SHISA6: variants seen among roughly 807,000 people sequenced by gnomAD.
SHISA6 encodes the protein protein shisa-6.
In SHISA6, 22 loss-of-function variants were observed where a neutral mutation model predicts 47.9. That is an observed-to-expected ratio of 0.46 (90% CI 0.33 to 0.66). SHISA6 has a LOEUF of 0.66. Among genes scored for constraint, SHISA6 ranks in the 30% least tolerant of loss-of-function variants. The pLI is 0.02. For synonymous variants in SHISA6, 388 were observed against 337.8 expected (o/e 1.15, Z -1.63); for missense variants, 680 against 764.6 (o/e 0.89, Z 1.30).
chr17:11,358,595 A>G (rs901115880), intron 2 of SHISA6, among the ~76,000 whole-genome samples: 12 of 151,494 alleles, frequency 7.9e-5, no homozygotes, highest in Non-Finnish European at 1.6e-4. Flanking sequence ...TCCTGACCTC[A>G]TGATCCACCC....
intron 2 of SHISA6, among the ~76,000 whole-genome samples, chr17:11,316,336 T>TC (rs1390230031): frequency 2.0e-5 from 3 of 150,316 alleles, no homozygotes; most frequent in Non-Finnish European, 4.4e-5. Flanking sequence ...GGTCTTTTTT[T>TC]TTTTTTTTTT....
intron 2 of SHISA6, among the ~76,000 whole-genome samples, chr17:11,370,643 T>A (rs922591810): frequency 2.6e-5 from 4 of 152,126 alleles, no homozygotes; most frequent in Non-Finnish European, 4.4e-5. Flanking sequence ...AGCTTCCGTA[T>A]CTGATGAGAT....
At chr17:11,381,580 AGAG>A (rs1567590042) in intron 3 of SHISA6, among the ~76,000 whole-genome samples, 1 of 152,214 alleles carries the variant, frequency 6.6e-6, no homozygotes, top group Non-Finnish European at 1.5e-5. Flanking sequence ...GCAGGATAAA[AGAG>A]GACCAGAGTG....
In SHISA6 at chr17:11,309,931, C is replaced by G. The variant is rs143336382; in HGVS notation, c.799+46405C>G. On this transcript the variant is annotated intron_variant, in intron 2 of 5. Coordinates refer to ENST00000441885, the MANE Select transcript of SHISA6 (RefSeq NM_207386.4). ...TGAGGCATTGTCCTCAGCTGCATGG[C>G]CAAAGCTGAACTGCAGCATGAGGAC... Among the ~76,000 whole-genome samples the G allele has an allele frequency of 1.4e-4, 21 of 152,320 alleles. No homozygotes were observed. In the East Asian group the frequency reaches 3.5e-3, roughly 25 times the overall value.
chr17:11,359,316 A>AGT, intron 2 of SHISA6, among the ~76,000 whole-genome samples: 1 of 152,208 alleles, frequency 6.6e-6, no homozygotes, highest in South Asian at 2.1e-4. Context: ...TTTCTTAAAT[A>AGT]GTGTGTGCTT....
chr17:11,534,157 CTTTTTT>C (rs373384700), intron 3 of SHISA6, among the ~76,000 whole-genome samples: 3 of 93,194 alleles, frequency 3.2e-5, no homozygotes, highest in Admixed American at 1.2e-4. Context: ...TCTTTTTTTT[CTTTTTT>C]TTTTTTTTTT....
chr17:11,511,414 G>T (rs767330826), intron 3 of SHISA6, among the ~76,000 whole-genome samples: 16 of 151,972 alleles, frequency 1.1e-4, no homozygotes, highest in Non-Finnish European at 1.6e-4. Flanking sequence ...TAACAAGCCT[G>T]CACATTCTCC....
At chr17:11,460,898 T>G (rs1915673098) in intron 3 of SHISA6, among the ~76,000 whole-genome samples, 1 of 152,226 alleles carries the variant, frequency 6.6e-6, no homozygotes, top group Admixed American at 6.5e-5. Context: ...AGCAAAACAC[T>G]AGCAGAATGC....
At chr17:11,338,555 C>A (rs191567903) in intron 2 of SHISA6, among the ~76,000 whole-genome samples, 2,903 of 152,090 alleles carry the variant, frequency 0.019, 62 homozygotes, top group East Asian at 0.062. Context: ...GCATGCGCCA[C>A]CACACCCAGC....
At chr17:11,476,171 C>CT (rs1174518577) in intron 3 of SHISA6, among the ~76,000 whole-genome samples, 2 of 151,612 alleles carry the variant, frequency 1.3e-5, no homozygotes, top group African/African-American at 2.4e-5. Flanking sequence ...TGTGCTGTCC[C>CT]TTTTTTTTCT....
rs544569559 is a variant in SHISA6, at chr17:11,274,265, C to A, written c.799+10739C>A. Among the ~76,000 whole-genome samples the A allele has an allele frequency of 2.0e-5, 3 of 152,328 alleles. No individual in the cohort carries two copies. In the South Asian group the frequency reaches 6.2e-4, roughly 32 times the overall value. On this transcript the variant is annotated intron_variant, in intron 2 of 5. Coordinates refer to ENST00000441885, the MANE Select transcript of SHISA6 (RefSeq NM_207386.4). ...CGGAGCTGGCTCACTAATCACTCAC[C>A]CCTACACCCAGGGAGCCAGAGGATT...
intron 2 of SHISA6, among the ~76,000 whole-genome samples, chr17:11,335,069 G>A (rs1460256654): frequency 6.6e-6 from 1 of 152,220 alleles, no homozygotes; most frequent in Non-Finnish European, 1.5e-5. Context: ...CGTAGGACAC[G>A]TGGAAGAATG....
At chr17:11,476,415 A>G (rs1916051939) in intron 3 of SHISA6, among the ~76,000 whole-genome samples, 1 of 152,064 alleles carries the variant, frequency 6.6e-6, no homozygotes, top group Admixed American at 6.6e-5. Flanking sequence ...TATGCATTCA[A>G]TGCTATGCAC....
At chr17:11,541,125 C>T (rs779416659) in intron 3 of SHISA6, among the ~76,000 whole-genome samples, 1 of 152,146 alleles carries the variant, frequency 6.6e-6, no homozygotes, top group Non-Finnish European at 1.5e-5. Context: ...AGTTTATTAC[C>T]AGAGGAAATG....
chr17:11,543,420 G>A lies in SHISA6; in HGVS notation c.896-8476G>A, dbSNP rs183643363. Reference sequence around the variant, plus strand: ...ATGCAATCCCTAGAAGAGCCACTAAGAAAACAATTTTTAAAGTATAAATGT... The same window carrying A: ...ATGCAATCCCTAGAAGAGCCACTAAAAAAACAATTTTTAAAGTATAAATGT... On this transcript the variant is annotated intron_variant, in intron 3 of 5. Coordinates refer to ENST00000441885, the MANE Select transcript of SHISA6 (RefSeq NM_207386.4). Among the ~76,000 whole-genome samples, 411 of 152,198 alleles carry A rather than the reference G, an allele frequency of 2.7e-3. 1 individual carries two copies. Among genetic ancestry groups the A allele is most frequent in the African/African-American group, 9.6e-3 (397 of 41,544 alleles).
intron 2 of SHISA6, among the ~76,000 whole-genome samples, chr17:11,358,246 T>G (rs1912137148): frequency 6.6e-6 from 1 of 152,186 alleles, no homozygotes; most frequent in African/African-American, 2.4e-5. Context: ...CTCTATGAAC[T>G]CAGCTACTAG....
chr17:11,344,395 G>C (rs893550542), intron 2 of SHISA6, among the ~76,000 whole-genome samples: 1 of 151,982 alleles, frequency 6.6e-6, no homozygotes, highest in Non-Finnish European at 1.5e-5. Flanking sequence ...AGAAGTCTTT[G>C]CCTACTACTC....
intron 3 of SHISA6, among the ~76,000 whole-genome samples, chr17:11,430,062 C>T (rs983035380): frequency 6.6e-6 from 1 of 152,170 alleles, no homozygotes; most frequent in Non-Finnish European, 1.5e-5. Flanking sequence ...ATTATCTCCT[C>T]ACTTTTGAGA....
intron 3 of SHISA6, among the ~76,000 whole-genome samples, chr17:11,520,441 T>C (rs965236593): frequency 2.6e-5 from 4 of 152,152 alleles, no homozygotes; most frequent in African/African-American, 9.7e-5. Flanking sequence ...TTAGTCTAAG[T>C]CACCAACTTT....
Sources: gnomAD v4.1 joint callset for allele counts (sites outside exome capture counted in the v4.1 genomes callset) on GRCh38, gnomAD v4.1.1 for gene constraint, MANE v1.5 for transcripts, NCBI Gene and HGNC (gene_info 2026-07-23, HGNC 2026-07-21) for gene names.